Variants in TPST1 observed in about 807,000 individuals in gnomAD.
TPST1 encodes tyrosylprotein sulfotransferase 1.
A neutral mutation model predicts 34.8 loss-of-function variants in TPST1; 20 were observed. That is an observed-to-expected ratio of 0.57 (90% confidence interval 0.40 to 0.84). The LOEUF (loss-of-function observed/expected upper bound fraction) is 0.84. TPST1 is among the 40% of genes least tolerant of loss of function. The probability of loss-of-function intolerance (pLI) is 0.00; values close to 1 mark genes in which losing one functional copy is unlikely to be tolerated. For missense variants in TPST1, 353 were observed against 455.5 expected, an observed-to-expected ratio of 0.78 and a Z score of 2.05; for synonymous variants, 152 against 159.4, an observed-to-expected ratio of 0.95 and a Z score of 0.35.
intron 3 of TPST1, among the ~76,000 whole-genome samples, chr7:66,310,081 C>G (rs1179417743): frequency 2.0e-5 from 3 of 152,112 alleles, no homozygotes; most frequent in Non-Finnish European, 4.4e-5. Flanking sequence ...CTCTCACAGG[C>G]AGCAGCCCTC....
intron 3 of TPST1, among the ~76,000 whole-genome samples, chr7:66,329,456 G>A (rs988973265): frequency 1.3e-5 from 2 of 151,908 alleles, no homozygotes; most frequent in Non-Finnish European, 2.9e-5. Flanking sequence ...TTAGTTGAAA[G>A]TTGCAGATAT....
chr7:66,227,870 C>T (rs766930133), intron 1 of TPST1, among the ~76,000 whole-genome samples: 3 of 151,884 alleles, frequency 2.0e-5, no homozygotes, highest in South Asian at 4.1e-4. Flanking sequence ...AGAAAACAAT[C>T]GTGTGTAAAG....
chr7:66,217,287 T>G (rs1473550136), intron 1 of TPST1, among the ~76,000 whole-genome samples: 1 of 152,230 alleles, frequency 6.6e-6, no homozygotes, highest in Non-Finnish European at 1.5e-5. Context: ...AGTGGGATAG[T>G]GAGGCCTCCA....
At chr7:66,212,342 A>G (rs1789280788) in intron 1 of TPST1, among the ~76,000 whole-genome samples, 1 of 152,202 alleles carries the variant, frequency 6.6e-6, no homozygotes, top group African/African-American at 2.4e-5. Context: ...ACCTAAATGA[A>G]TCTCACTGGG....
chr7:66,316,766 C>T (rs1178223631), intron 3 of TPST1, among the ~76,000 whole-genome samples: 2 of 152,092 alleles, frequency 1.3e-5, no homozygotes, highest in Admixed American at 6.6e-5. Context: ...ATGTTGAGTA[C>T]TTTTTTAGTA....
intron 3 of TPST1, among the ~76,000 whole-genome samples, chr7:66,335,195 A>G (rs1327725971): frequency 6.6e-6 from 1 of 152,072 alleles, no homozygotes; most frequent in Non-Finnish European, 1.5e-5. Flanking sequence ...ATGGCAGCTC[A>G]TTTCTGTAAT....
At chr7:66,296,678 T>G (rs900414356) in intron 3 of TPST1, among the ~76,000 whole-genome samples, 22 of 143,444 alleles carry the variant, frequency 1.5e-4, no homozygotes, top group African/African-American at 4.5e-4. Context: ...CTGGGTTGGT[T>G]TTTTTTTTTT....
intron 3 of TPST1, among the ~76,000 whole-genome samples, chr7:66,338,335 G>C (rs1792164234): frequency 1.3e-5 from 2 of 152,168 alleles, no homozygotes; most frequent in South Asian, 4.1e-4. Flanking sequence ...AATATATAAA[G>C]CAAATATTAA....
intron 3 of TPST1, among the ~76,000 whole-genome samples, chr7:66,304,532 G>GC (rs1439966406): frequency 1.3e-5 from 2 of 152,222 alleles, no homozygotes; most frequent in African/African-American, 2.4e-5. Flanking sequence ...TGGTGGTGGT[G>GC]CCAGTTGACC....
chr7:66,336,563 G>C (rs1306861236), intron 3 of TPST1, among the ~76,000 whole-genome samples: 1 of 152,090 alleles, frequency 6.6e-6, no homozygotes, highest in Admixed American at 6.6e-5. Flanking sequence ...CCATTCAGAG[G>C]AGCAAGAATA....
At chr7:66,256,652 A>G (rs1790389122) in intron 2 of TPST1, among the ~76,000 whole-genome samples, 1 of 152,230 alleles carries the variant, frequency 6.6e-6, no homozygotes, top group African/African-American at 2.4e-5. Flanking sequence ...CAGAAGTGAC[A>G]TCCTATCACT....
At chr7:66,293,464 C>G (rs1791129528) in intron 3 of TPST1, among the ~76,000 whole-genome samples, 1 of 152,136 alleles carries the variant, frequency 6.6e-6, no homozygotes, top group Admixed American at 6.5e-5. Context: ...GAGTATGCCA[C>G]TGTACTGTAG....
At chr7:66,276,296 T>C (rs1790809172) in intron 2 of TPST1, among the ~76,000 whole-genome samples, 1 of 149,140 alleles carries the variant, frequency 6.7e-6, no homozygotes, top group African/African-American at 2.5e-5. Flanking sequence ...TTAAAGACTT[T>C]TTTTGCCTGT....
At chr7:66,199,717 C>CTTTT in the TPST1 span, among the ~76,000 whole-genome samples, 1 of 143,448 alleles carries the variant, frequency 7.0e-6, no homozygotes, top group African/African-American at 2.6e-5. Context: ...ATTTGTGTCC[C>CTTTT]TTTTTTTTTT....
chr7:66,269,747 C>T (rs925847709), intron 2 of TPST1, among the ~76,000 whole-genome samples: 4 of 152,020 alleles, frequency 2.6e-5, no homozygotes, highest in South Asian at 2.1e-4. Flanking sequence ...TGGTAATAAG[C>T]GCTTTGAAAT....
chr7:66,214,409 A>C (rs1002520749), intron 1 of TPST1, among the ~76,000 whole-genome samples: 6 of 151,040 alleles, frequency 4.0e-5, no homozygotes, highest in Admixed American at 4.0e-4. Context: ...TATAAGTATA[A>C]ATATAAATTA....
rs375809466 is a variant in TPST1, at chr7:66,277,487, T to C, written c.846-9024T>C. ...ATTTTGGAGTTTGTGAGCTACTTTG[T>C]CATCTAGTTTTGTTGTCCATGGTGT... On this transcript the variant is annotated intron_variant, in intron 2 of 5. Transcript: ENST00000304842. Among the ~76,000 whole-genome samples, 39 of 152,328 alleles carry C rather than the reference T, an allele frequency of 2.6e-4. 1 individual carries two copies. In the South Asian group the frequency reaches 7.9e-3, roughly 31 times the overall value.
chr7:66,214,275 G>C (rs1394369349), intron 1 of TPST1, among the ~76,000 whole-genome samples: 2 of 151,524 alleles, frequency 1.3e-5, no homozygotes, highest in Non-Finnish European at 2.9e-5. Flanking sequence ...TATCTATTTT[G>C]AGCACATAAT....
intron 3 of TPST1, among the ~76,000 whole-genome samples, chr7:66,336,245 G>C (rs1792117761): frequency 6.6e-6 from 1 of 151,870 alleles, no homozygotes; most frequent in Non-Finnish European, 1.5e-5. Flanking sequence ...AGGAGGCGGA[G>C]CTTGCAGTGA....
Sources: gnomAD v4.1 joint callset for allele counts (sites outside exome capture counted in the v4.1 genomes callset) on GRCh38, gnomAD v4.1.1 for gene constraint, MANE v1.5 for transcripts, NCBI Gene and HGNC (gene_info 2026-07-23, HGNC 2026-07-21) for gene names.